ZDHHC11: variants seen among roughly 807,000 people sequenced by gnomAD.
The protein encoded by ZDHHC11 is zDHHC palmitoyltransferase 11, also known as palmitoyltransferase ZDHHC11.
A neutral mutation model predicts 51.3 loss-of-function variants in ZDHHC11; 44 were observed. That is an observed-to-expected ratio of 0.86 (90% CI 0.67 to 1.10). ZDHHC11 has a LOEUF of 1.10. Ranked by LOEUF, ZDHHC11 falls within the 50% of genes least tolerant of loss-of-function variation. ZDHHC11 has a pLI of 0.00. For missense variants in ZDHHC11, 400 were observed against 537.7 expected, an observed-to-expected ratio of 0.74 and a Z score of 2.53; for synonymous variants, 163 against 222.0, an observed-to-expected ratio of 0.73 and a Z score of 2.36.
chr5:840,685 CCTG>C, intron 4 of ZDHHC11, 35 bp from the exon 5 acceptor site: 1 of 1,611,974 alleles, frequency 6.2e-7, no homozygotes, highest in African/African-American at 1.3e-5. Flanking sequence ...GTGTCCAGCA[CCTG>C]CTGACGGGTG....
rs138427825 is a variant in ZDHHC11, at chr5:800,667, C to G, written c.*7+433G>C. Among the ~76,000 whole-genome samples, 631 of 151,258 alleles carry G rather than the reference C, an allele frequency of 4.2e-3. 10 individuals carry two copies. Among genetic ancestry groups the G allele is most frequent in the African/African-American group, 0.015 (610 of 41,052 alleles). ...TCATTTGTTTCACGGTTAAATTTCA[C>G]TGCATTCTATGGATCGTCCTAAATG... On this transcript the variant is annotated intron_variant, in intron 12 of 12. Coordinates refer to ENST00000283441, the MANE Select transcript of ZDHHC11 (RefSeq NM_024786.3).
chr5:830,833 T>G (rs1258326561), intron 7 of ZDHHC11, among the ~76,000 whole-genome samples: 4 of 150,366 alleles, frequency 2.7e-5, no homozygotes, highest in South Asian at 2.1e-4. Context: ...AGGCAAATAC[T>G]TACTGCCAAT....
intron 11 of ZDHHC11, among the ~76,000 whole-genome samples, chr5:812,501 G>A (rs1026802485): frequency 2.5e-4 from 38 of 151,582 alleles, no homozygotes; most frequent in African/African-American, 8.5e-4. Context: ...TAGTAATAAG[G>A]AAAATGCACA....
At position 850,591 on chromosome 5, in the gene ZDHHC11, G is replaced by A; in HGVS notation, c.12C>T (p.Arg4=). MDT[R]SGSQCSVTPE... The stretch of plus-strand genomic sequence containing the variant: ...GGGTGACGGAACACTGGCTCCCGGA[G>A]CGGGTGTCCATCTGCAGGACACAGA... The change falls in exon 1 of 13, where the codon CGC becomes CGT. Residue 4 remains arginine (R), a synonymous_variant. Coordinates refer to ENST00000283441, the MANE Select transcript of ZDHHC11 (RefSeq NM_024786.3). 6.2e-7 allele frequency: 1 copy of A among 1,613,360 alleles called. No homozygotes were observed.
chr5:836,330 G>T (rs1303851247), intron 6 of ZDHHC11, among the ~76,000 whole-genome samples: 2 of 150,344 alleles, frequency 1.3e-5, no homozygotes, highest in African/African-American at 4.9e-5. Flanking sequence ...TTGATTCCTA[G>T]GCCTTAAGCC....
intron 1 of ZDHHC11, among the ~76,000 whole-genome samples, chr5:858,710 C>T (rs1372962667): frequency 6.6e-6 from 1 of 152,158 alleles, no homozygotes. Flanking sequence ...CTCTACTCCC[C>T]ACAGTGGAAA....
rs568307561 is a variant in ZDHHC11, at chr5:811,633, G to C, written c.1181+3128C>G. Among the ~76,000 whole-genome samples the C allele has an allele frequency of 3.9e-3, 572 of 148,180 alleles. 23 individuals carry two copies. Among genetic ancestry groups the C allele is most frequent in the Admixed American group, 0.02 (304 of 15,026 alleles). On this transcript the variant is annotated intron_variant, in intron 11 of 12. Transcript: ENST00000283441. ...GCCCACCTGGGGAAGACTGACTTCT[G>C]GGTCCTTATTGTGGCTCCCAGCGGA...
At chr5:837,819 T>C (rs7735860) in intron 5 of ZDHHC11, among the ~76,000 whole-genome samples, 1,996 of 151,610 alleles carry the variant, frequency 0.013, no homozygotes, top group African/African-American at 0.045. Flanking sequence ...CCCTATACCA[T>C]GCAGCTTGAG....
chr5:850,514 C>T lies in ZDHHC11; in HGVS notation c.89G>A (p.Arg30Lys), dbSNP rs780255523. The change falls in exon 1 of 13, where the codon AGA becomes AAA. Residue 30 changes from arginine to lysine, a missense_variant. By Grantham distance (26) the Arg-to-Lys change is conservative. Coordinates refer to ENST00000283441, the MANE Select transcript of ZDHHC11 (RefSeq NM_024786.3). ...EKLVLPPRIS[R>K]VNGWSLPLHY... ...CAGGGGTAACGACCAGCCGTTCACT[C>T]TGGAGATGCGGGGCGGCAAGACCAG... The T allele has an allele frequency of 1.5e-5, 24 of 1,613,782 alleles. No homozygotes were observed. Among genetic ancestry groups the T allele is most frequent in the Non-Finnish European group, 1.9e-5 (23 of 1,180,038 alleles).
In ZDHHC11 at chr5:813,344, A is replaced by T. The variant is rs539044165; in HGVS notation, c.1181+1417T>A. ...CCCTGTCTCAAAAAAATAAAAAAAT[A>T]AAAAAATAAATGTTCCTCCATGATC... On this transcript the variant is annotated intron_variant, in intron 11 of 12. Transcript: ENST00000283441. 5.4e-4 allele frequency among the ~76,000 whole-genome samples: 77 copies of T among 142,030 alleles called. 3 individuals are homozygous for T. Among genetic ancestry groups the T allele is most frequent in the African/African-American group, 2.0e-3 (71 of 35,934 alleles). The allele number at this position is 142,030 out of a possible 152,430, so 93.2% of individuals were successfully genotyped here.
rs765824321 is a variant in ZDHHC11, at chr5:843,086, G to A, written c.628+514C>T. 4.1e-4 allele frequency among the ~76,000 whole-genome samples: 62 copies of A among 152,392 alleles called. 1 individual carries two copies. Among genetic ancestry groups the A allele is most frequent in the Admixed American group, 1.9e-3 (29 of 15,310 alleles). ...GCCTCTGGAGCCCACAGTCCTCACCGCCACGTCTCTCCAGTGGCTCAGTGT... is the reference window on the plus strand; with the variant it reads ...GCCTCTGGAGCCCACAGTCCTCACCACCACGTCTCTCCAGTGGCTCAGTGT... On this transcript the variant is annotated intron_variant, in intron 4 of 12. Coordinates refer to ENST00000283441, the MANE Select transcript of ZDHHC11 (RefSeq NM_024786.3).
chr5:810,810 C>A (rs1477946146), intron 11 of ZDHHC11, among the ~76,000 whole-genome samples: 1 of 151,972 alleles, frequency 6.6e-6, no homozygotes, highest in Non-Finnish European at 1.5e-5. Context: ...AGCTCATTCT[C>A]CTGTGGAGAA....
chr5:831,270 C>A lies in ZDHHC11; in HGVS notation c.935+2503G>T, dbSNP rs1269502795. The stretch of plus-strand genomic sequence containing the variant: ...TAGTATCCAGAATCTAAAAGGAACT[C>A]AAACAAATCCGCAAGAAAAAACAAA... On this transcript the variant is annotated intron_variant, in intron 7 of 12. Coordinates refer to ENST00000283441, the MANE Select transcript of ZDHHC11 (RefSeq NM_024786.3). Among the ~76,000 whole-genome samples, 2 of 149,480 alleles carry A rather than the reference C, an allele frequency of 1.3e-5. 1 individual carries two copies. The highest frequency in any genetic ancestry group is 3.0e-5 in the Non-Finnish European group (2 of 67,142).
intron 10 of ZDHHC11, among the ~76,000 whole-genome samples, chr5:818,694 TAAGA>T (rs1173114252): frequency 6.6e-6 from 1 of 151,328 alleles, no homozygotes. Flanking sequence ...CCCCATCTCT[TAAGA>T]AATAAGAAAT....
chr5:850,691 ATG>A lies in ZDHHC11; in HGVS notation c.-91_-90del. 4 of 1,500,838 alleles carry A rather than the reference ATG, an allele frequency of 2.7e-6. No homozygotes were observed. Among genetic ancestry groups the A allele is most frequent in the Non-Finnish European group, 2.7e-6 (3 of 1,102,930 alleles). 93.0% of individuals were successfully genotyped at this position (1,500,838 alleles called of 1,614,324 possible). On this transcript the variant is annotated 5_prime_UTR_variant, in exon 1 of 13. The change abolishes the stop of an existing upstream ORF in the 5' untranslated region. Transcript: ENST00000283441. ...GTCACAGAGACCAAGGGGACTGGGAATGCAGCCGCCAGGACCAGCACTGACAG... is the reference window on the plus strand; with the variant it reads ...GTCACAGAGACCAAGGGGACTGGGAACAGCCGCCAGGACCAGCACTGACAG...
chr5:801,878 A>G (rs1371138622), intron 11 of ZDHHC11, among the ~76,000 whole-genome samples: 23 of 151,612 alleles, frequency 1.5e-4, no homozygotes, highest in African/African-American at 5.6e-4. Context: ...CACATGCTAT[A>G]GTCTCCCTTC....
Position 850,634 on chromosome 5 carries a change from G to C in ZDHHC11, c.-32C>G. 6.2e-7 allele frequency: 1 copy of C among 1,604,418 alleles called. No individual in the cohort carries two copies. Among genetic ancestry groups the C allele is most frequent in the Non-Finnish European group, 8.5e-7 (1 of 1,176,696 alleles). On this transcript the variant is annotated 5_prime_UTR_variant, in exon 1 of 13. Coordinates refer to ENST00000283441, the MANE Select transcript of ZDHHC11 (RefSeq NM_024786.3). ...GACACAGAAGGGGAGGACCTGCGCC[G>C]TCAGATCCTGGGAGGGCCGGCCCCG... is the stretch of plus-strand genomic sequence containing the variant.
intron 4 of ZDHHC11, chr5:841,873 T>C (rs1482284121): frequency 2.0e-6 from 2 of 988,580 alleles, no homozygotes; most frequent in South Asian, 9.1e-5. Flanking sequence ...AGCATGGATG[T>C]CTTTCGGTGA....
At chr5:838,086 C>T (rs768259344) in intron 5 of ZDHHC11, among the ~76,000 whole-genome samples, 6 of 151,826 alleles carry the variant, frequency 4.0e-5, no homozygotes, top group Non-Finnish European at 5.9e-5. Flanking sequence ...GAGGTGAACA[C>T]GAGTGCTGTG....
Sources: gnomAD v4.1 joint callset for allele counts (sites outside exome capture counted in the v4.1 genomes callset) on GRCh38, gnomAD v4.1.1 for gene constraint, MANE v1.5 for transcripts, NCBI Gene and HGNC (gene_info 2026-07-23, HGNC 2026-07-21) for gene names.